Variants in CEP170 observed in about 807,000 individuals in gnomAD.
CEP170 encodes the protein centrosomal protein of 170 kDa.
In CEP170, 21 loss-of-function variants were observed where a neutral mutation model predicts 151.9. The observed-to-expected ratio is 0.14, with a 90% CI of 0.10 to 0.20. The LOEUF (loss-of-function observed/expected upper bound fraction) is 0.20. Ranked by LOEUF, CEP170 falls within the 10% of genes least tolerant of loss-of-function variation. CEP170 has a pLI of 1.00. For missense variants in CEP170, 964 were observed against 1,892.9 expected (o/e 0.51, Z 9.11); for synonymous variants, 356 against 648.8 (o/e 0.55, Z 6.86).
At chr1:243,144,205 C>T (rs2056204910) in intron 14 of CEP170, among the ~76,000 whole-genome samples, 1 of 152,196 alleles carries the variant, frequency 6.6e-6, no homozygotes, top group African/African-American at 2.4e-5. Flanking sequence ...ATGATGAGTA[C>T]ATTATAAAGC....
rs556657687 is a variant in CEP170 at position 243,242,939 on chromosome 1, A to AT, written c.-42+12100dup. Among the ~76,000 whole-genome samples the AT allele has an allele frequency of 2.2e-4, 34 of 152,326 alleles. 1 individual carries two copies. Among genetic ancestry groups the AT allele is most frequent in the African/African-American group, 7.5e-4 (31 of 41,584 alleles). On this transcript the variant is annotated intron_variant, in intron 1 of 19. Coordinates refer to ENST00000366542, the MANE Select transcript of CEP170 (RefSeq NM_014812.3). ...GGTCTCCAACTCCCGACCTCCGGTG[A>AT]TTCACCTGCCTCGGCCTGCCAAAGT...
chr1:243,189,532 A>G (rs1350307412), intron 8 of CEP170, among the ~76,000 whole-genome samples: 36 of 147,476 alleles, frequency 2.4e-4, no homozygotes, highest in South Asian at 6.6e-4. Context: ...CTCCAGCCTG[A>G]GTGACAAAGC....
Position 243,165,978 on chromosome 1 carries a change from T to G in CEP170, c.1982A>C (p.Lys661Thr). Residue 661 changes from lysine (K) to threonine (T), a missense_variant, in exon 13 of 20, where the codon AAG (lysine) becomes ACG (threonine). Lys to Thr is a moderately conservative substitution (Grantham distance 78). Transcript: ENST00000366542. ...EEKSLESHRA[K>T]VVTQRSEIGE... is the part of the protein sequence containing the mutation. ...TATCTCTGACCTCTGTGTTACAACC[T>G]TTGCTCTGTGGCTCTCAAGAGACTT... 9 of 1,613,606 alleles carry G rather than the reference T, an allele frequency of 5.6e-6. No individual in the cohort carries two copies. Among genetic ancestry groups the G allele is most frequent in the Non-Finnish European group, 6.8e-6 (8 of 1,179,662 alleles).
At chr1:243,145,036 G>C (rs1291891586) in intron 14 of CEP170, among the ~76,000 whole-genome samples, 1 of 151,846 alleles carries the variant, frequency 6.6e-6, no homozygotes, top group Middle Eastern at 3.2e-3. Flanking sequence ...AATTATCTCA[G>C]TCATAACACT....
chr1:243,195,284 A>G (rs2060569666), intron 7 of CEP170, among the ~76,000 whole-genome samples: 1 of 152,012 alleles, frequency 6.6e-6, no homozygotes, highest in Admixed American at 6.6e-5. Context: ...TGTGTGCAAC[A>G]GTTAAAGGCC....
At position 243,191,169 on chromosome 1, in the gene CEP170, C is replaced by A; in HGVS notation, c.957G>T (p.Leu319Phe). 1 of 1,612,604 alleles carries A rather than the reference C, an allele frequency of 6.2e-7. No homozygotes were observed. The highest frequency in any genetic ancestry group is 8.5e-7 in the Non-Finnish European group (1 of 1,179,242). The stretch of plus-strand genomic sequence containing the variant: ...CCATCATTCCTGTTTGAATCCCCAG[C>A]AAGTCTTGAGTTCCAGGAGAAGACT... Reference protein sequence around the residue: ...SKKSSPGTQDLLGIQTGMMAP... With the variant: ...SKKSSPGTQDFLGIQTGMMAP... Residue 319 changes from leucine (L) to phenylalanine (F), a missense_variant, in exon 8 of 20, where the codon TTG becomes TTT. Physicochemically the swap from Leu to Phe is conservative, Grantham distance 22. Coordinates refer to ENST00000366542, the MANE Select transcript of CEP170 (RefSeq NM_014812.3).
At chr1:243,209,685 GTTTTTT>G in intron 4 of CEP170, among the ~76,000 whole-genome samples, 1 of 143,250 alleles carries the variant, frequency 7.0e-6, no homozygotes, top group South Asian at 2.2e-4. Context: ...ATAACAGATG[GTTTTTT>G]TTTTTTGAGA....
chr1:243,184,215 G>A (rs1403581032), intron 10 of CEP170, among the ~76,000 whole-genome samples: 4 of 151,740 alleles, frequency 2.6e-5, no homozygotes, highest in Middle Eastern at 3.2e-3. Flanking sequence ...TAGTGATATC[G>A]CCTCTGTTTC....
intron 3 of CEP170, among the ~76,000 whole-genome samples, chr1:243,214,126 T>C (rs1235621685): frequency 6.6e-6 from 1 of 152,154 alleles, no homozygotes; most frequent in African/African-American, 2.4e-5. Context: ...TCAACACAAG[T>C]ATCTATACAA....
Position 243,159,356 on chromosome 1 carries a change from T to C in CEP170, c.3677-2901A>G, listed in dbSNP as rs183300305. Among the ~76,000 whole-genome samples the C allele has an allele frequency of 6.1e-3, 932 of 152,206 alleles. 10 individuals are homozygous for C. Among genetic ancestry groups the C allele is most frequent in the African/African-American group, 0.021 (885 of 41,524 alleles). ...TGAGACTGAGTGAAATGATGGCTACTGGTGGAGAAGGGACTGGGAAAGGGA... is the reference window on the plus strand; with the variant it reads ...TGAGACTGAGTGAAATGATGGCTACCGGTGGAGAAGGGACTGGGAAAGGGA... On this transcript the variant is annotated intron_variant, in intron 13 of 19. Transcript: ENST00000366542.
chr1:243,178,954 G>C (rs939269282), intron 10 of CEP170, among the ~76,000 whole-genome samples: 2 of 152,084 alleles, frequency 1.3e-5, no homozygotes, highest in African/African-American at 4.8e-5. Context: ...TCCTGACCTC[G>C]TGATCACCCG....
At chr1:243,226,708 G>A (rs1246759386) in intron 1 of CEP170, among the ~76,000 whole-genome samples, 1 of 152,124 alleles carries the variant, frequency 6.6e-6, no homozygotes, top group Non-Finnish European at 1.5e-5. Flanking sequence ...TCCATCTTAT[G>A]GCTAGGCACA....
At chr1:243,164,083 A>G (rs1443247404) in intron 13 of CEP170, among the ~76,000 whole-genome samples, 5 of 152,168 alleles carry the variant, frequency 3.3e-5, no homozygotes, top group Admixed American at 6.5e-5. Flanking sequence ...GGAAGTATGT[A>G]TAACTTCTGA....
intron 10 of CEP170, among the ~76,000 whole-genome samples, chr1:243,173,564 C>T (rs548191800): frequency 3.5e-4 from 53 of 151,352 alleles, no homozygotes; most frequent in Non-Finnish European, 4.7e-4. Flanking sequence ...GGTGAAACCC[C>T]GTTTCTACTA....
intron 17 of CEP170, among the ~76,000 whole-genome samples, chr1:243,134,669 T>TC (rs2054825895): frequency 6.6e-6 from 1 of 151,638 alleles, no homozygotes; most frequent in Admixed American, 6.6e-5. Context: ...AGCCAATTTT[T>TC]TTTTTTTTTT....
chr1:243,240,394 T>C (rs1313653702), intron 1 of CEP170, among the ~76,000 whole-genome samples: 1 of 152,210 alleles, frequency 6.6e-6, no homozygotes, highest in Non-Finnish European at 1.5e-5. Context: ...AAGATTCATC[T>C]CCTCACTTTG....
intron 1 of CEP170, among the ~76,000 whole-genome samples, chr1:243,239,183 C>A (rs1178420310): frequency 6.6e-6 from 1 of 152,180 alleles, no homozygotes; most frequent in Non-Finnish European, 1.5e-5. Context: ...TTTTAAAAAA[C>A]AGAAAGAACC....
At chr1:243,181,863 T>C (rs1258848888) in intron 10 of CEP170, among the ~76,000 whole-genome samples, 4 of 152,176 alleles carry the variant, frequency 2.6e-5, no homozygotes, top group African/African-American at 4.8e-5. Flanking sequence ...TGTCCATCAA[T>C]GTTGGTGTTG....
chr1:243,189,542 C>T (rs1222954514), intron 8 of CEP170, among the ~76,000 whole-genome samples: 1 of 131,794 alleles, frequency 7.6e-6, no homozygotes. Context: ...AGTGACAAAG[C>T]GAGACTCTGT....
Sources: allele counts gnomAD v4.1 joint callset (sites outside exome capture counted in the v4.1 genomes callset), GRCh38; gene constraint gnomAD v4.1.1; transcripts MANE v1.5; gene names NCBI Gene and HGNC (gene_info 2026-07-23, HGNC 2026-07-21).